SRGAP3: variants seen among roughly 807,000 people sequenced by gnomAD.
SRGAP3 encodes the protein SLIT-ROBO Rho GTPase-activating protein 3.
In SRGAP3, 39 loss-of-function variants were observed where a neutral mutation model predicts 121.1. The observed-to-expected ratio is 0.32, with a 90% CI of 0.25 to 0.42. The LOEUF is 0.42. SRGAP3 is among the 10% of genes least tolerant of loss of function. The pLI, the probability that SRGAP3 is intolerant of heterozygous loss-of-function variation, is 1.00. For synonymous variants in SRGAP3, 601 were observed against 570.0 expected (o/e 1.05, Z -0.77); for missense variants, 1,213 against 1,470.6 (o/e 0.82, Z 2.86).
At chr3:8,991,330 C>T (rs181613511) in intron 20 of SRGAP3, among the ~76,000 whole-genome samples, 18 of 152,300 alleles carry the variant, frequency 1.2e-4, no homozygotes, top group Admixed American at 7.8e-4. Context: ...GACACTCTAA[C>T]GTTGCCACCC....
chr3:9,037,382 A>C (rs1040859181), intron 11 of SRGAP3: 1 of 152,728 alleles, frequency 6.5e-6, no homozygotes, highest in African/African-American at 2.4e-5. Flanking sequence ...AAAGGGAAGT[A>C]AAGTCAGCCC....
At chr3:9,201,697 T>G (rs1033052769) in intron 1 of SRGAP3, among the ~76,000 whole-genome samples, 3 of 152,202 alleles carry the variant, frequency 2.0e-5, no homozygotes, top group African/African-American at 7.2e-5. Flanking sequence ...GAGAGTACAC[T>G]GACATCAAGG....
rs142138773 is a variant in SRGAP3, at chr3:9,346,753, CTTTTTT to C, written n.214+16081_214+16086del. On this transcript the variant is annotated intron_variant and non_coding_transcript_variant, in intron 1 of 3. Transcript: ENST00000490889. ...ATAGAGCAACTAAAAGCAATTTTTT[CTTTTTT>C]TTTTTTTTTTTTGAGACAAAGTCTC... Among the ~76,000 whole-genome samples, 12 of 130,536 alleles carry C rather than the reference CTTTTTT, an allele frequency of 9.2e-5. No homozygotes were observed. In the South Asian group the frequency reaches 3.0e-3, roughly 33 times the overall value. The allele number at this position is 130,536 out of a possible 152,430, so 85.6% of individuals were successfully genotyped here.
chr3:9,353,731 T>A (rs2030328753), intron 1 of SRGAP3, among the ~76,000 whole-genome samples: 2 of 152,244 alleles, frequency 1.3e-5, no homozygotes, highest in Non-Finnish European at 2.9e-5. Context: ...TCCTAGGCTA[T>A]TATTTCATTA....
At chr3:9,133,465 C>T (rs1949534184) in intron 1 of SRGAP3, among the ~76,000 whole-genome samples, 1 of 152,128 alleles carries the variant, frequency 6.6e-6, no homozygotes, top group East Asian at 1.9e-4. Flanking sequence ...GCCTGGGCAA[C>T]AGAGCAAGAC....
chr3:9,145,222 A>G (rs1376896680), intron 1 of SRGAP3, among the ~76,000 whole-genome samples: 1 of 152,098 alleles, frequency 6.6e-6, no homozygotes, highest in African/African-American at 2.4e-5. Flanking sequence ...CAGCCTCCCA[A>G]GTAGCTGGGA....
At chr3:9,253,827 T>A (rs1390652203), upstream of SRGAP3, among the ~76,000 whole-genome samples, 5 of 152,218 alleles carry the variant, frequency 3.3e-5, no homozygotes, top group African/African-American at 4.8e-5. Flanking sequence ...GTCCTCACAA[T>A]AACCCTGGGA....
intron 1 of SRGAP3, among the ~76,000 whole-genome samples, chr3:9,170,557 A>G (rs1409888935): frequency 1.3e-5 from 2 of 152,152 alleles, no homozygotes; most frequent in Non-Finnish European, 1.5e-5. Flanking sequence ...TCATGGCTCC[A>G]AATGGGGAGA....
intron 1 of SRGAP3, among the ~76,000 whole-genome samples, chr3:9,172,301 C>A (rs1368601849): frequency 6.6e-6 from 1 of 151,890 alleles, no homozygotes; most frequent in Non-Finnish European, 1.5e-5. Flanking sequence ...CAGGGTCTTA[C>A]CATGTTTCCC....
intron 3 of SRGAP3, among the ~76,000 whole-genome samples, chr3:9,318,724 AT>A (rs200596950): frequency 2.6e-5 from 4 of 151,090 alleles, no homozygotes; most frequent in African/African-American, 9.7e-5. Flanking sequence ...AAAAAAAAAA[AT>A]TTAAATAGCC....
intron 3 of SRGAP3, among the ~76,000 whole-genome samples, chr3:9,294,695 CGTGTGTGTGTGTGTGTGTGT>C (rs753452580): frequency 2.5e-5 from 3 of 119,882 alleles, no homozygotes; most frequent in Non-Finnish European, 3.5e-5. Context: ...TTGAAGCTTT[CGTGTGTGTGTGTGTGTGTGT>C]GTGTGTGTGT....
chr3:8,986,531 A>T (rs919046440), intron 21 of SRGAP3, among the ~76,000 whole-genome samples: 1 of 152,316 alleles, frequency 6.6e-6, no homozygotes, highest in Admixed American at 6.5e-5. Flanking sequence ...AGGAAACTGA[A>T]GCTCAGACTG....
At chr3:9,357,811 A>G (rs2030599397) in intron 1 of SRGAP3, among the ~76,000 whole-genome samples, 1 of 152,096 alleles carries the variant, frequency 6.6e-6, no homozygotes, top group Non-Finnish European at 1.5e-5. Context: ...AGTTACCCAT[A>G]TGACCAAAGT....
At chr3:9,070,949 T>C (rs548179636) in intron 4 of SRGAP3, among the ~76,000 whole-genome samples, 7 of 152,068 alleles carry the variant, frequency 4.6e-5, no homozygotes, top group Non-Finnish European at 8.8e-5. Flanking sequence ...CTAGGCACCA[T>C]AGGAAGGCTT....
chr3:9,336,450 A>G (rs781238961), intron 1 of SRGAP3, among the ~76,000 whole-genome samples: 1 of 152,110 alleles, frequency 6.6e-6, no homozygotes, highest in Non-Finnish European at 1.5e-5. Context: ...CCTGGCCTCA[A>G]GTCATCATCC....
Position 8,984,606 on chromosome 3 carries a change from C to T in SRGAP3, c.*913G>A, listed in dbSNP as rs1294475812. The T allele has an allele frequency of 4.3e-6, 1 of 232,698 alleles. No homozygotes were observed. The highest frequency in any genetic ancestry group is 8.5e-6 in the Non-Finnish European group (1 of 117,738). The allele number at this position is 232,698 out of a possible 1,614,324, so 14.4% of individuals were successfully genotyped here. A position where few individuals can be genotyped will look rare whatever the true frequency, so the allele number is the denominator to read the frequency against. ...GATGGGGCTTAGGTTCTCACTATCC[C>T]CCGTCTCTACACACAAACACAAGGA... On this transcript the variant is annotated 3_prime_UTR_variant, in exon 22 of 22. Coordinates refer to ENST00000383836, the MANE Select transcript of SRGAP3 (RefSeq NM_014850.4).
chr3:9,086,010 C>G (rs2664084), intron 3 of SRGAP3, among the ~76,000 whole-genome samples: 3 of 152,102 alleles, frequency 2.0e-5, no homozygotes, highest in African/African-American at 7.2e-5. Flanking sequence ...CTGGCTAGGA[C>G]TTCTAGTAAG....
In SRGAP3 at chr3:8,985,010, T is replaced by G. The variant is rs1198997889; in HGVS notation, c.*509A>C. 1.3e-5 allele frequency: 3 copies of G among 228,512 alleles called. No individual in the cohort carries two copies. The highest frequency in any genetic ancestry group is 2.6e-5 in the Non-Finnish European group (3 of 115,044). 14.2% of individuals were successfully genotyped at this position (228,512 alleles called of 1,614,324 possible). On this transcript the variant is annotated 3_prime_UTR_variant, in exon 22 of 22. Transcript: ENST00000383836. The surrounding 1 kb of genome is among the most constrained non-coding windows in gnomAD (Gnocchi z 5.1). ...TGGTGGCATGGATCTGAGGTAAATC[T>G]AAGTTTCATAAAAAGAAAAAGGAGA...
chr3:9,102,407 A>G (rs1948251560), intron 3 of SRGAP3, among the ~76,000 whole-genome samples: 2 of 152,174 alleles, frequency 1.3e-5, no homozygotes, highest in South Asian at 4.1e-4. Flanking sequence ...AAGGGGCCCA[A>G]AGCAACCAAG....
Sources: gnomAD v4.1 joint callset for allele counts (sites outside exome capture counted in the v4.1 genomes callset) on GRCh38, gnomAD v4.1.1 for gene constraint, Gnocchi (gnomAD v3.1) non-coding constraint, MANE v1.5 for transcripts, NCBI Gene and HGNC (gene_info 2026-07-23, HGNC 2026-07-21) for gene names.